Variants in BARX2 observed in about 807,000 individuals in gnomAD.
BARX2 encodes the protein homeobox protein BarH-like 2.
A neutral mutation model predicts 25.5 loss-of-function variants in BARX2; 11 were observed. The ratio of observed to expected loss-of-function variants is 0.43; its 90% confidence interval spans 0.27 to 0.71. BARX2 has a LOEUF of 0.71. Ranked by LOEUF, BARX2 falls within the 30% of genes least tolerant of loss-of-function variation. The pLI is 0.19. For missense variants in BARX2, 360 were observed against 359.9 expected (o/e 1.00, Z 0.00); for synonymous variants, 137 against 149.5 (o/e 0.92, Z 0.61).
intron 1 of BARX2, among the ~76,000 whole-genome samples, chr11:129,377,146 G>A (rs778061190): frequency 6.6e-6 from 1 of 152,134 alleles, no homozygotes; most frequent in African/African-American, 2.4e-5. Flanking sequence ...TTAAAGGTAA[G>A]CATAAAGTAT....
chr11:129,384,763 C>G (rs1861602031), intron 1 of BARX2, among the ~76,000 whole-genome samples: 1 of 152,192 alleles, frequency 6.6e-6, no homozygotes. Flanking sequence ...GCTAGAAATA[C>G]TTTATACCCT....
chr11:129,408,223 C>A (rs1861852632), intron 1 of BARX2, among the ~76,000 whole-genome samples: 1 of 152,020 alleles, frequency 6.6e-6, no homozygotes, highest in Non-Finnish European at 1.5e-5. Context: ...CTGAAAGCCA[C>A]TGGAAGATAT....
intron 1 of BARX2, among the ~76,000 whole-genome samples, chr11:129,386,111 G>C (rs1441061327): frequency 6.6e-6 from 1 of 152,180 alleles, no homozygotes; most frequent in Non-Finnish European, 1.5e-5. Context: ...CTCCAGTAAT[G>C]CTTTGGCATA....
At chr11:129,443,666 T>TTTGA (rs1862290114) in intron 3 of BARX2, among the ~76,000 whole-genome samples, 1 of 152,230 alleles carries the variant, frequency 6.6e-6, no homozygotes, top group South Asian at 2.1e-4. Flanking sequence ...TATTTCCATC[T>TTTGA]TTGATTTTTA....
At chr11:129,387,487 T>C (rs1251910234) in intron 1 of BARX2, among the ~76,000 whole-genome samples, 1 of 152,238 alleles carries the variant, frequency 6.6e-6, no homozygotes, top group African/African-American at 2.4e-5. Flanking sequence ...GGTGTTTTAA[T>C]ATGGTTCCAA....
chr11:129,444,457 T>C lies in BARX2; in HGVS notation c.573+1538T>C, dbSNP rs76227241. Among the ~76,000 whole-genome samples the C allele has an allele frequency of 3.1e-3, 465 of 152,308 alleles. 5 individuals are homozygous for C. Among genetic ancestry groups the C allele is most frequent in the South Asian group, 9.3e-3 (45 of 4,824 alleles). ...GAGATGCCAGTTATGTGTTCAAACATATGGATATTGCATGAGTCAGCAAAT... is the reference window on the plus strand; with the variant it reads ...GAGATGCCAGTTATGTGTTCAAACACATGGATATTGCATGAGTCAGCAAAT... On this transcript the variant is annotated intron_variant, in intron 3 of 3. Coordinates refer to ENST00000281437, the MANE Select transcript of BARX2 (RefSeq NM_003658.5).
intron 1 of BARX2, among the ~76,000 whole-genome samples, chr11:129,403,088 G>C (rs1861794376): frequency 6.6e-6 from 1 of 152,238 alleles, no homozygotes; most frequent in African/African-American, 2.4e-5. Context: ...AGGCTCAGCT[G>C]TCCTCGTGTT....
At chr11:129,406,092 C>T (rs551778087) in intron 1 of BARX2, among the ~76,000 whole-genome samples, 2 of 152,250 alleles carry the variant, frequency 1.3e-5, no homozygotes, top group Admixed American at 6.5e-5. Context: ...CACAGTGCCT[C>T]GCCTATGGTA....
chr11:129,434,199 G>T (rs548721247), intron 1 of BARX2, among the ~76,000 whole-genome samples: 2 of 150,376 alleles, frequency 1.3e-5, no homozygotes, highest in African/African-American at 2.4e-5. Flanking sequence ...GTATTTTCTC[G>T]TATTAGTTTA....
chr11:129,433,594 T>G (rs867852329), intron 1 of BARX2, among the ~76,000 whole-genome samples: 10 of 152,220 alleles, frequency 6.6e-5, no homozygotes, highest in Non-Finnish European at 1.2e-4. Context: ...TCTGCTGGTC[T>G]TTCAACCCAT....
In BARX2 at chr11:129,451,437, G is replaced by C; in HGVS notation, c.*35G>C. 6.3e-7 allele frequency: 1 copy of C among 1,595,410 alleles called. No homozygotes were observed. The highest frequency in any genetic ancestry group is 8.6e-7 in the Non-Finnish European group (1 of 1,167,512). On this transcript the variant is annotated 3_prime_UTR_variant, in exon 4 of 4. Coordinates refer to ENST00000281437, the MANE Select transcript of BARX2 (RefSeq NM_003658.5). ...CTTTTGAGGGAAGAGGGAGACTGGG[G>C]AGAAGGGAAAAGAGAGAAGGCAGGG...
chr11:129,377,554 A>G (rs1043251268), intron 1 of BARX2, among the ~76,000 whole-genome samples: 3 of 152,280 alleles, frequency 2.0e-5, no homozygotes, highest in African/African-American at 4.8e-5. Flanking sequence ...CAAGGAACAA[A>G]TAAGAAATTT....
chr11:129,451,165 A>G lies in BARX2; in HGVS notation c.603A>G (p.Thr201=). 4 of 1,614,112 alleles carry G rather than the reference A, an allele frequency of 2.5e-6. No homozygotes were observed. Among genetic ancestry groups the G allele is most frequent in the Non-Finnish European group, 3.4e-6 (4 of 1,179,976 alleles). The part of the protein sequence containing the change: ...MVLKGGQEAP[T]KPKGRPKKNS... ...TTAAAGGTGGACAGGAAGCACCCAC[A>G]AAACCCAAAGGTCGCCCCAAGAAGA... is the stretch of plus-strand genomic sequence containing the variant. The change falls in exon 4 of 4, where the codon ACA becomes ACG. Residue 201 remains threonine (T), a synonymous_variant. Transcript: ENST00000281437.
At chr11:129,381,776 T>C (rs1480353134) in intron 1 of BARX2, among the ~76,000 whole-genome samples, 3 of 152,156 alleles carry the variant, frequency 2.0e-5, no homozygotes, top group Non-Finnish European at 4.4e-5. Context: ...GATTATTTTA[T>C]TTATAAAGAG....
intron 1 of BARX2, among the ~76,000 whole-genome samples, chr11:129,393,663 G>A (rs926630140): frequency 1.3e-5 from 2 of 151,714 alleles, no homozygotes; most frequent in African/African-American, 2.4e-5. Context: ...ATTCCAGAAT[G>A]GCTATGATTT....
intron 1 of BARX2, among the ~76,000 whole-genome samples, chr11:129,411,056 A>G (rs1474897122): frequency 6.6e-6 from 1 of 152,204 alleles, no homozygotes; most frequent in African/African-American, 2.4e-5. Context: ...GTGACACTCT[A>G]TGTGGAGCAG....
At chr11:129,416,565 C>T (rs1251289644) in intron 1 of BARX2, among the ~76,000 whole-genome samples, 2 of 152,126 alleles carry the variant, frequency 1.3e-5, no homozygotes, top group East Asian at 3.9e-4. Context: ...TAGTAGAGTC[C>T]ATTAAAAATG....
chr11:129,386,228 T>C lies in BARX2; in HGVS notation c.187+10006T>C, dbSNP rs1468062401. 6.6e-5 allele frequency among the ~76,000 whole-genome samples: 10 copies of C among 152,346 alleles called. No homozygotes were observed. The South Asian group carries it at 2.1e-3, about 32-fold the overall frequency. Reference sequence around the variant, plus strand: ...GTTGTCAGGGTTTTTCTGCTTCTTCTTACTGATGTTTAAAATCATTATAAA... The same window carrying C: ...GTTGTCAGGGTTTTTCTGCTTCTTCCTACTGATGTTTAAAATCATTATAAA... On this transcript the variant is annotated intron_variant, in intron 1 of 3. Transcript: ENST00000281437.
At chr11:129,382,880 C>T (rs949389852) in intron 1 of BARX2, among the ~76,000 whole-genome samples, 6 of 152,056 alleles carry the variant, frequency 3.9e-5, no homozygotes, top group South Asian at 2.1e-4. Flanking sequence ...AGCAGCATGA[C>T]GACGAGAAGA....
Sources: gnomAD v4.1 joint callset for allele counts (sites outside exome capture counted in the v4.1 genomes callset) on GRCh38, gnomAD v4.1.1 for gene constraint, MANE v1.5 for transcripts, NCBI Gene and HGNC (gene_info 2026-07-23, HGNC 2026-07-21) for gene names.